AADAC: variants seen among roughly 807,000 people sequenced by gnomAD.
AADAC encodes the protein arylacetamide deacetylase (esterase).
A neutral mutation model predicts 22.7 loss-of-function variants in AADAC; 17 were observed. The ratio of observed to expected loss-of-function variants is 0.75; its 90% CI spans 0.51 to 1.12. The LOEUF (loss-of-function observed/expected upper bound fraction) is 1.12. AADAC is among the 50% of genes most tolerant of loss of function. The pLI is 0.00. For synonymous variants in AADAC, 167 were observed against 176.3 expected, an observed-to-expected ratio of 0.95 and a Z score of 0.42; for missense variants, 465 against 473.9, an observed-to-expected ratio of 0.98 and a Z score of 0.17.
chr3:151,824,747 T>A lies in AADAC; in HGVS notation c.516T>A (p.Val172=), dbSNP rs201406202. The A allele has an allele frequency of 1.9e-5, 31 of 1,608,948 alleles. No individual in the cohort carries two copies. Among genetic ancestry groups the A allele is most frequent in the Non-Finnish European group, 1.7e-6 (2 of 1,177,408 alleles). ...TAAGGTGGTTCTTACGTAAAAAAGT[T>A]CTTGCAAAATATGGTGTGAACCCTG... ...NALRWFLRKK[V]LAKYGVNPER... Residue 172 remains valine (V), a synonymous_variant, in exon 4 of 5, where the codon GTT becomes GTA. Coordinates refer to ENST00000232892, the MANE Select transcript of AADAC (RefSeq NM_001086.3).
rs74212485 is a variant in AADAC at position 151,825,961 on chromosome 3, C to A, written c.603+1127C>A. On this transcript the variant is annotated intron_variant, in intron 4 of 4. Coordinates refer to ENST00000232892, the MANE Select transcript of AADAC (RefSeq NM_001086.3). ...TGGTAGCTCAGAACTGCAATCCCAG[C>A]ACTCTGGGATTATGTAGAAGTTAAG... Among the ~76,000 whole-genome samples the A allele has an allele frequency of 3.9e-3, 590 of 151,980 alleles. 26 individuals carry two copies. The East Asian group carries it at 0.075, about 19-fold the overall frequency.
chr3:151,820,346 GT>G, intron 2 of AADAC, 36 bp from the exon 3 acceptor site: 1 of 1,480,120 alleles, frequency 6.8e-7, no homozygotes, highest in Non-Finnish European at 9.2e-7. Context: ...TCATTTGTCT[GT>G]TTTACTAATA....
At chr3:151,827,376 T>C (rs1716541831) in intron 4 of AADAC, among the ~76,000 whole-genome samples, 200 bp from the exon 5 acceptor site, 1 of 152,024 alleles carries the variant, frequency 6.6e-6, no homozygotes, top group Non-Finnish European at 1.5e-5. Context: ...AAAATATTGA[T>C]GAACATCTAG....
chr3:151,819,489 C>T (rs1201807281), intron 2 of AADAC, among the ~76,000 whole-genome samples: 2 of 151,600 alleles, frequency 1.3e-5, no homozygotes, highest in Non-Finnish European at 2.9e-5. Context: ...TAATTGCTGG[C>T]CTTAAAAGGA....
rs1379319319 is a variant in AADAC at position 151,820,512 on chromosome 3, CTTTCTTTTTT to C, written c.431+64_431+73del. ...GTCTGACATGCCAAGATTTTCTCAG[CTTTCTTTTTT>C]TTTTTTTTTTTTTGTGATGGAGTCT... On this transcript the variant is annotated intron_variant, in intron 3 of 4. Transcript: ENST00000232892. The C allele has an allele frequency of 2.2e-3, 1,361 of 615,152 alleles. 7 individuals are homozygous for C. The African/African-American group carries it at 0.034, about 15-fold the overall frequency. 38.1% of individuals were successfully genotyped at this position (615,152 alleles called of 1,614,324 possible). A position where few individuals can be genotyped will look rare whatever the true frequency, so the allele number is the denominator to read the frequency against.
At chr3:151,817,634 G>C in intron 2 of AADAC, 46 bp downstream of exon 2, 1 of 1,555,234 alleles carries the variant, frequency 6.4e-7, no homozygotes, top group Non-Finnish European at 8.8e-7. Context: ...GTAGTTCGCA[G>C]ACATTTTACT....
At chr3:151,819,985 C>T (rs940828072) in intron 2 of AADAC, among the ~76,000 whole-genome samples, 2 of 152,030 alleles carry the variant, frequency 1.3e-5, no homozygotes, top group East Asian at 3.9e-4. Context: ...ATCTCCTTGG[C>T]TCACATATCT....
chr3:151,822,925 T>A (rs1241657010), intron 3 of AADAC, among the ~76,000 whole-genome samples: 1 of 151,968 alleles, frequency 6.6e-6, no homozygotes, highest in Non-Finnish European at 1.5e-5. Flanking sequence ...TATTAAAAAT[T>A]AAGGGCATAC....
chr3:151,820,296 G>T (rs1716185019), intron 2 of AADAC, 87 bp from the exon 3 acceptor site: 10 of 863,148 alleles, frequency 1.2e-5, no homozygotes, highest in Middle Eastern at 3.0e-4. Flanking sequence ...GAACGTGAAA[G>T]AAGTGCAGCA....
rs150172391 is a variant in AADAC at position 151,827,662 on chromosome 3, G to A, written c.690G>A (p.Pro230=). 411 of 1,611,896 alleles carry A rather than the reference G, an allele frequency of 2.5e-4. 5 individuals carry two copies. Among genetic ancestry groups the A allele is most frequent in the Non-Finnish European group, 3.2e-4 (378 of 1,178,700 alleles). ...PALQPLDVDL[P]SYQENSNFLF... ...TTCAGCCTCTTGATGTAGATTTACC[G>A]TCATATCAAGAAAATTCAAATTTTC... Residue 230 remains proline (P), a synonymous_variant, in exon 5 of 5, where the codon CCG becomes CCA. Transcript: ENST00000232892.
rs1716562320 is a variant in AADAC, at chr3:151,827,773, A to G, written c.801A>G (p.Arg267=). The change falls in exon 5 of 5, where the codon AGA becomes AGG. Residue 267 remains arginine, a synonymous_variant. Transcript: ENST00000232892. ...DRSLEKAMLS[R]QHVPVESSHL... is the part of the protein sequence containing the mutation. Reference sequence around the variant, plus strand: ...CACTTGAAAAAGCCATGCTTTCCAGACAACATGTACCTGTGGAATCAAGTC... The same window carrying G: ...CACTTGAAAAAGCCATGCTTTCCAGGCAACATGTACCTGTGGAATCAAGTC... 4 of 1,613,232 alleles carry G rather than the reference A, an allele frequency of 2.5e-6. No individual in the cohort carries two copies. The African/African-American group carries it at 5.3e-5, about 22-fold the overall frequency.
intron 4 of AADAC, 84 bp from the exon 5 acceptor site, chr3:151,827,492 A>T (rs945934332): frequency 2.8e-5 from 24 of 864,902 alleles, no homozygotes; most frequent in Non-Finnish European, 4.3e-5. Context: ...TAAAAACAAG[A>T]TAGATAGACA....
chr3:151,824,620 AAAAC>A (rs148745568), intron 3 of AADAC, 39 bp from the exon 4 acceptor site: 1,094,858 of 1,424,968 alleles, frequency 0.77, 424,151 homozygotes, highest in Middle Eastern at 0.81. Flanking sequence ...CAGTCTAATC[AAAAC>A]AAACAAAAAA....
At chr3:151,827,532 T>TA in intron 4 of AADAC, 44 bp from the exon 5 acceptor site, 1 of 1,113,176 alleles carries the variant, frequency 9.0e-7, no homozygotes, top group African/African-American at 2.4e-5. Flanking sequence ...GATATTTTAT[T>TA]GTTTTAAATG....
chr3:151,827,719 C>T lies in AADAC; in HGVS notation c.747C>T (p.Phe249=). The T allele has an allele frequency of 6.2e-7, 1 of 1,613,128 alleles. No individual in the cohort carries two copies. The highest frequency in any genetic ancestry group is 8.5e-7 in the Non-Finnish European group (1 of 1,179,388). ...LFLSKSLMVR[F]WSEYFTTDRS... ...TATCCAAATCACTCATGGTCAGATT[C>T]TGGAGTGAATATTTTACCACTGATA... Residue 249 remains phenylalanine (F), a synonymous_variant, in exon 5 of 5, where the codon TTC becomes TTT. Transcript: ENST00000232892.
chr3:151,814,244 G>A lies in AADAC; in HGVS notation c.82G>A (p.Glu28Lys), dbSNP rs190697838. Reference protein sequence around the residue: ...YIYTPLPDNVEEPWRMMWINA... With the variant: ...YIYTPLPDNVKEPWRMMWINA... The stretch of plus-strand genomic sequence containing the variant: ...TTATACGCCTCTCCCAGATAACGTT[G>A]AGGAGCCATGGAGAATGATGTGGAT... The change falls in exon 1 of 5, where the codon GAG becomes AAG. Residue 28 changes from glutamate (E) to lysine (K), a missense_variant. Coordinates refer to ENST00000232892, the MANE Select transcript of AADAC (RefSeq NM_001086.3). 31 of 1,613,332 alleles carry A rather than the reference G, an allele frequency of 1.9e-5. No individual in the cohort carries two copies. In the African/African-American group the frequency reaches 2.3e-4, roughly 12 times the overall value.
At chr3:151,824,980 GAAGA>G in intron 4 of AADAC, 146 bp downstream of exon 4, 1 of 594,872 alleles carries the variant, frequency 1.7e-6, no homozygotes, top group African/African-American at 1.9e-5. Context: ...AGAATATTGA[GAAGA>G]AATGACTAAA....
chr3:151,828,226 A>C lies in AADAC; in HGVS notation c.*54A>C. On this transcript the variant is annotated 3_prime_UTR_variant, in exon 5 of 5. Transcript: ENST00000232892. ...AAATAAAATCTGAAAACCTCAGAAA[A>C]TTTGCATTAGAAATTGGTCTTTCTT... The C allele has an allele frequency of 1.7e-6, 2 of 1,200,728 alleles. No homozygotes were observed. The highest frequency in any genetic ancestry group is 2.2e-6 in the Non-Finnish European group (2 of 893,974). The allele number at this position is 1,200,728 out of a possible 1,614,324, so 74.4% of individuals were successfully genotyped here.
intron 1 of AADAC, among the ~76,000 whole-genome samples, chr3:151,814,759 G>C (rs1019019928): frequency 6.6e-6 from 1 of 152,008 alleles, no homozygotes; most frequent in Admixed American, 6.6e-5. Context: ...CAATGGGCAG[G>C]CTGGTTGGCA....
Sources: gnomAD v4.1 joint callset for allele counts (sites outside exome capture counted in the v4.1 genomes callset) on GRCh38, gnomAD v4.1.1 for gene constraint, MANE v1.5 for transcripts, NCBI Gene and HGNC (gene_info 2026-07-23, HGNC 2026-07-21) for gene names.